DOCK9: variants seen among roughly 807,000 people sequenced by gnomAD.
DOCK9 encodes dedicator of cytokinesis protein 9.
A neutral mutation model predicts 263.3 loss-of-function variants in DOCK9; 89 were observed. The observed-to-expected ratio is 0.34, with a 90% CI of 0.28 to 0.40. The LOEUF (loss-of-function observed/expected upper bound fraction) is 0.40. Among genes scored for constraint, DOCK9 ranks in the 10% least tolerant of loss-of-function variants. The pLI, the probability that DOCK9 is intolerant of heterozygous loss-of-function variation, is 1.00. For synonymous variants in DOCK9, 976 were observed against 973.1 expected (o/e 1.00, Z -0.06); for missense variants, 2,140 against 2,603.4 (o/e 0.82, Z 3.87).
At chr13:98,921,990 C>T in intron 6 of DOCK9, 61 bp downstream of exon 6, 1 of 1,352,168 alleles carries the variant, frequency 7.4e-7, no homozygotes, top group Non-Finnish European at 1.0e-6. Context: ...GAGCATTGTT[C>T]TCGAGCTCTA....
At chr13:98,887,141 A>AT (rs1335567169) in intron 18 of DOCK9, among the ~76,000 whole-genome samples, 2,563 of 57,262 alleles carry the variant, frequency 0.045, 40 homozygotes, top group East Asian at 0.096. Context: ...ATATATATAT[A>AT]TATTTTTTTT....
At chr13:98,918,341 C>T (rs538774399) in intron 7 of DOCK9, among the ~76,000 whole-genome samples, 34 of 152,086 alleles carry the variant, frequency 2.2e-4, no homozygotes, top group African/African-American at 6.5e-4. Context: ...TCCAGAATGA[C>T]GGGAAATAAA....
At chr13:98,932,576 G>C (rs1369150236) in intron 2 of DOCK9, among the ~76,000 whole-genome samples, 9 of 152,186 alleles carry the variant, frequency 5.9e-5, no homozygotes, top group Non-Finnish European at 1.3e-4. Context: ...TTTGGTTAGA[G>C]GTGGCTTTGG....
In DOCK9 at chr13:98,853,433, G is replaced by C; in HGVS notation, c.3921C>G (p.Leu1307=). The C allele has an allele frequency of 6.2e-7, 1 of 1,611,912 alleles. No individual in the cohort carries two copies. ...CATCAGACATGCTCTTTAAGATGTA[G>C]AGGAAACACATCAGTAGGCTCTTAA... is the stretch of plus-strand genomic sequence containing the variant. ...SEIKSLLMCF[L]YILKSMSDDA... is the part of the protein sequence containing the mutation. Residue 1307 remains leucine (L), a synonymous_variant, in exon 35 of 53, where the codon CTC becomes CTG. Transcript: ENST00000682017.
chr13:98,990,355 A>G (rs1879514183), intron 1 of DOCK9, among the ~76,000 whole-genome samples: 1 of 152,260 alleles, frequency 6.6e-6, no homozygotes, highest in African/African-American at 2.4e-5. Flanking sequence ...CTGTATTGAT[A>G]TAACTTTCAT....
chr13:98,986,830 T>TA (rs1205026065), intron 1 of DOCK9, among the ~76,000 whole-genome samples: 1 of 152,168 alleles, frequency 6.6e-6, no homozygotes, highest in Non-Finnish European at 1.5e-5. Context: ...TTGTAAAATA[T>TA]GTAAGTAAAC....
chr13:98,895,749 A>C (rs561633853), intron 15 of DOCK9, among the ~76,000 whole-genome samples: 50 of 152,202 alleles, frequency 3.3e-4, no homozygotes, highest in African/African-American at 1.1e-3. Flanking sequence ...ATTCTTCTGT[A>C]TTTCTCAAAA....
At chr13:98,937,109 C>T (rs771945107) in intron 2 of DOCK9, among the ~76,000 whole-genome samples, 2 of 152,058 alleles carry the variant, frequency 1.3e-5, no homozygotes, top group Non-Finnish European at 2.9e-5. Flanking sequence ...TTTGAATGCC[C>T]AACATAAAGG....
chr13:98,951,452 T>C (rs2057399211), intron 2 of DOCK9, among the ~76,000 whole-genome samples: 1 of 152,226 alleles, frequency 6.6e-6, no homozygotes, highest in South Asian at 2.1e-4. Context: ...AAAGGGATTT[T>C]GTGCATGTGT....
chr13:99,038,557 C>T (rs1405655808), intron 1 of DOCK9, among the ~76,000 whole-genome samples: 2 of 152,106 alleles, frequency 1.3e-5, no homozygotes, highest in African/African-American at 2.4e-5. Flanking sequence ...CCACCCACCT[C>T]AGCCTCCCAA....
intron 50 of DOCK9, 116 bp downstream of exon 50, chr13:98,800,172 G>C: frequency 9.0e-7 from 1 of 1,116,690 alleles, no homozygotes; most frequent in East Asian, 2.6e-5. Flanking sequence ...GAAGGGAGCA[G>C]GGATCACTTG....
chr13:98,856,149 C>T (rs1211195550), intron 33 of DOCK9, 118 bp from the exon 34 acceptor site: 2 of 1,090,456 alleles, frequency 1.8e-6, no homozygotes, highest in Admixed American at 5.0e-5. Context: ...AGGAAGTTGG[C>T]TCAAGAGTTG....
intron 3 of DOCK9, among the ~76,000 whole-genome samples, chr13:98,928,834 T>C (rs80340233): frequency 0.034 from 5,238 of 152,228 alleles, 290 homozygotes; most frequent in African/African-American, 0.12. Context: ...TATAACTACA[T>C]TCACAAACAT....
intron 1 of DOCK9, among the ~76,000 whole-genome samples, chr13:99,014,059 G>C (rs1377551688): frequency 1.3e-5 from 2 of 152,204 alleles, no homozygotes; most frequent in African/African-American, 4.8e-5. Context: ...CCCAGACCCA[G>C]AGCTCTGACA....
chr13:99,012,109 C>T (rs1412520222), intron 1 of DOCK9, among the ~76,000 whole-genome samples: 2 of 152,206 alleles, frequency 1.3e-5, no homozygotes, highest in African/African-American at 4.8e-5. Flanking sequence ...AGCCACAGCG[C>T]CCAGCCCAGA....
intron 7 of DOCK9, among the ~76,000 whole-genome samples, chr13:98,919,309 C>T (rs1386253124): frequency 2.6e-5 from 4 of 152,066 alleles, no homozygotes; most frequent in South Asian, 2.1e-4. Context: ...GGGGTTTCAC[C>T]ATGTTGGTCA....
chr13:99,008,225 TATATATATA>T (rs1447336278), intron 1 of DOCK9, among the ~76,000 whole-genome samples: 2 of 122,258 alleles, frequency 1.6e-5, no homozygotes, highest in Non-Finnish European at 3.3e-5. Context: ...TATATATATA[TATATATATA>T]TTTTTTTTTT....
intron 3 of DOCK9, among the ~76,000 whole-genome samples, chr13:98,927,629 A>ATT (rs199793659): frequency 6.5e-4 from 57 of 87,840 alleles, no homozygotes; most frequent in Non-Finnish European, 1.1e-3. Context: ...TTATTTATTT[A>ATT]TTTTTTTTTA....
chr13:98,920,634 C>A (rs1387666201), intron 7 of DOCK9, among the ~76,000 whole-genome samples: 3 of 152,190 alleles, frequency 2.0e-5, no homozygotes, highest in Non-Finnish European at 4.4e-5. Flanking sequence ...TATTTTCCTG[C>A]ACTGATTCAT....
Sources: gnomAD v4.1 joint callset for allele counts (sites outside exome capture counted in the v4.1 genomes callset) on GRCh38, gnomAD v4.1.1 for gene constraint, MANE v1.5 for transcripts, NCBI Gene and HGNC (gene_info 2026-07-23, HGNC 2026-07-21) for gene names.